The following TPCN1 variants were observed in gnomAD, a reference collection of about 807,000 sequenced individuals.
The protein encoded by TPCN1 is two pore channel protein 1.
TPCN1 carries 52 observed loss-of-function variants against 108.8 expected under a neutral mutation model. The ratio of observed to expected loss-of-function variants is 0.48; its 90% confidence interval spans 0.38 to 0.60. The LOEUF (loss-of-function observed/expected upper bound fraction) is 0.60, where lower values mean the gene tolerates loss of function less well. TPCN1 is among the 20% of genes least tolerant of loss of function. The probability of loss-of-function intolerance (pLI) is 0.00; values close to 1 mark genes in which losing one functional copy is unlikely to be tolerated. For synonymous variants in TPCN1, 446 were observed against 433.7 expected, an observed-to-expected ratio of 1.03 and a Z score of -0.35; for missense variants, 806 against 1,072.8, an observed-to-expected ratio of 0.75 and a Z score of 3.47.
Position 113,266,533 on chromosome 12 carries a change from G to T in TPCN1, c.414+177G>T, listed in dbSNP as rs1354813975. Among the ~76,000 whole-genome samples, 1 of 152,252 alleles carries T rather than the reference G, an allele frequency of 6.6e-6. No homozygotes were observed. The highest frequency in any genetic ancestry group is 1.9e-4 in the East Asian group (1 of 5,190). On this transcript the variant is annotated intron_variant, in intron 4 of 27. Transcript: ENST00000335509. This position sits in a 1 kb window ranked among gnomAD's most constrained non-coding sequence, Gnocchi z 4.2. ...GAAATGCCTGGGTGTCCCTGCTGGA[G>T]TGAATGGCCTTCACCCAGTCTCTCT... is the stretch of plus-strand genomic sequence containing the variant.
At chr12:113,291,835 C>CAACCCAGCCAAA in intron 24 of TPCN1, 39 bp from the exon 25 acceptor site, 1 of 1,491,354 alleles carries the variant, frequency 6.7e-7, no homozygotes, top group Non-Finnish European at 9.4e-7. Flanking sequence ...ACCCACCCTC[C>CAACCCAGCCAAA]TCCCCTGCCT....
Position 113,280,153 on chromosome 12 carries a change from A to G in TPCN1, c.1300A>G (p.Ile434Val), listed in dbSNP as rs1351672343. The G allele has an allele frequency of 1.2e-6, 2 of 1,605,442 alleles. No individual in the cohort carries two copies. The highest frequency in any genetic ancestry group is 1.7e-5 in the Admixed American group (1 of 59,946). Reference sequence around the variant, plus strand: ...TAACTTGTCTTTTCTTCAAATAGGTATTAATATCCTTGTGAAGTCCAAGGC... The same window carrying G: ...TAACTTGTCTTTTCTTCAAATAGGTGTTAATATCCTTGTGAAGTCCAAGGC... ...PRTALLIFKG[I>V]NILVKSKAFQ... Residue 434 changes from isoleucine to valine, a missense_variant and splice_region_variant, in exon 15 of 28, where the codon ATT becomes GTT. Transcript: ENST00000335509.
At chr12:113,228,554 G>A (rs1022019197) in intron 2 of TPCN1, among the ~76,000 whole-genome samples, 1 of 152,114 alleles carries the variant, frequency 6.6e-6, no homozygotes, top group Non-Finnish European at 1.5e-5. Context: ...AGGTTGCAGT[G>A]GGCTATGACT....
chr12:113,276,250 G>A (rs1382355842), intron 10 of TPCN1, among the ~76,000 whole-genome samples: 1 of 152,222 alleles, frequency 6.6e-6, no homozygotes, highest in Non-Finnish European at 1.5e-5. Context: ...GGACCAGAGA[G>A]TTTCCCTTAA....
intron 2 of TPCN1, among the ~76,000 whole-genome samples, chr12:113,243,428 T>A (rs149168443): frequency 6.6e-6 from 1 of 151,928 alleles, no homozygotes; most frequent in Non-Finnish European, 1.5e-5. Context: ...TGTGATTTAT[T>A]AAGACTAGAG....
At chr12:113,251,479 G>A (rs778830683) in intron 2 of TPCN1, among the ~76,000 whole-genome samples, 11 of 152,162 alleles carry the variant, frequency 7.2e-5, no homozygotes, top group South Asian at 2.1e-4. Flanking sequence ...CCGAGTCCTC[G>A]TTCCACCATT....
chr12:113,263,488 T>C (rs1001552565), intron 3 of TPCN1, among the ~76,000 whole-genome samples: 1 of 152,254 alleles, frequency 6.6e-6, no homozygotes, highest in African/African-American at 2.4e-5. Flanking sequence ...CTCAAATTTA[T>C]GACCTCAAGT....
At chr12:113,250,014 G>A (rs1474314009) in intron 2 of TPCN1, 2 of 152,276 alleles carry the variant, frequency 1.3e-5, no homozygotes, top group South Asian at 2.1e-4. Flanking sequence ...CACCTATAAA[G>A]TGCTGAGACT....
In TPCN1 at chr12:113,285,941, C is replaced by T. The variant is rs759107454; in HGVS notation, c.1506C>T (p.Tyr502=). Reference sequence around the variant, plus strand: ...TTGCCGGCCTGGGCCCTGTGGAGTACTTGTCTTCCGGATGGAACTTGTGAG... The same window carrying T: ...TTGCCGGCCTGGGCCCTGTGGAGTATTTGTCTTCCGGATGGAACTTGTGAG... ...LKVAGLGPVE[Y]LSSGWNLFDF... Residue 502 remains tyrosine (Y), a synonymous_variant, in exon 18 of 28, where the codon TAC becomes TAT. Coordinates refer to ENST00000335509, the MANE Select transcript of TPCN1 (RefSeq NM_017901.6). 7.9e-5 allele frequency: 128 copies of T among 1,614,054 alleles called. No homozygotes were observed. The highest frequency in any genetic ancestry group is 1.0e-4 in the Non-Finnish European group (123 of 1,180,012).
At position 113,290,115 on chromosome 12, in the gene TPCN1, G is replaced by A; in HGVS notation, c.1797-13G>A. The A allele has an allele frequency of 6.4e-7, 1 of 1,556,332 alleles. No homozygotes were observed. The highest frequency in any genetic ancestry group is 1.2e-5 in the South Asian group (1 of 85,582). On this transcript the variant is annotated splice_polypyrimidine_tract_variant and intron_variant, in intron 21 of 27. Coordinates refer to ENST00000335509, the MANE Select transcript of TPCN1 (RefSeq NM_017901.6). ...TGTGACCCTCCCTCCTTTCTCCCTT[G>A]TGCTCCGGCCAGCACGAGTACAGTG...
intron 17 of TPCN1, among the ~76,000 whole-genome samples, chr12:113,285,265 C>T (rs1482051143): frequency 1.3e-5 from 2 of 152,348 alleles, no homozygotes; most frequent in East Asian, 3.9e-4. Flanking sequence ...GTCACTTTTG[C>T]ACACCTGGTA....
intron 18 of TPCN1, 81 bp downstream of exon 18, chr12:113,286,042 G>A (rs929342754): frequency 7.8e-6 from 10 of 1,288,976 alleles, no homozygotes; most frequent in African/African-American, 4.4e-5. Flanking sequence ...CCCTGATCCC[G>A]GGCCATTTCT....
intron 27 of TPCN1, among the ~76,000 whole-genome samples, chr12:113,293,645 C>CA (rs1018737714): frequency 4.6e-5 from 7 of 152,146 alleles, no homozygotes; most frequent in Non-Finnish European, 5.9e-5. Flanking sequence ...GCTGCAAACT[C>CA]AAACATGTGT....
At chr12:113,246,907 G>A (rs1954417503) in intron 2 of TPCN1, among the ~76,000 whole-genome samples, 2 of 152,182 alleles carry the variant, frequency 1.3e-5, no homozygotes, top group South Asian at 4.1e-4. Flanking sequence ...GAGCCTGCCC[G>A]GTCACTTTGT....
chr12:113,284,836 AGT>A lies in TPCN1; in HGVS notation c.1453+68_1453+69del. On this transcript the variant is annotated intron_variant, in intron 17 of 27. Coordinates refer to ENST00000335509, the MANE Select transcript of TPCN1 (RefSeq NM_017901.6). The surrounding 1 kb of genome is among the most constrained non-coding windows in gnomAD (Gnocchi z 4.1). ...AAATTGTCTGGGAGAACTTTCATTC[AGT>A]GTAGAACCTCATGGTTCTTCTCTAA... 1 of 1,544,632 alleles carries A rather than the reference AGT, an allele frequency of 6.5e-7. No homozygotes were observed. The highest frequency in any genetic ancestry group is 9.0e-7 in the Non-Finnish European group (1 of 1,117,012).
At chr12:113,240,143 G>A (rs1452816315) in intron 2 of TPCN1, among the ~76,000 whole-genome samples, 1 of 152,170 alleles carries the variant, frequency 6.6e-6, no homozygotes, top group Non-Finnish European at 1.5e-5. Context: ...TCAACAGGGC[G>A]CAGATTTTAT....
At chr12:113,243,861 C>T (rs947861087) in intron 2 of TPCN1, among the ~76,000 whole-genome samples, 7 of 152,280 alleles carry the variant, frequency 4.6e-5, no homozygotes, top group South Asian at 2.1e-4. Flanking sequence ...CTCATGTGGA[C>T]GGTTAGGAAG....
At chr12:113,293,402 A>G (rs1956332252) in intron 27 of TPCN1, 53 bp downstream of exon 27, 6 of 1,551,088 alleles carry the variant, frequency 3.9e-6, no homozygotes, top group Non-Finnish European at 5.3e-6. Flanking sequence ...ATGTCCTGGG[A>G]GGGGCAGGGA....
rs943392280 is a variant in TPCN1 at position 113,278,716 on chromosome 12, G to A, written c.1234-56G>A. The A allele has an allele frequency of 1.6e-5, 23 of 1,461,396 alleles. No homozygotes were observed. In the African/African-American group the frequency reaches 2.9e-4, roughly 19 times the overall value. 90.5% of individuals were successfully genotyped at this position (1,461,396 alleles called of 1,614,324 possible). On this transcript the variant is annotated intron_variant, in intron 13 of 27. Coordinates refer to ENST00000335509, the MANE Select transcript of TPCN1 (RefSeq NM_017901.6). The stretch of plus-strand genomic sequence containing the variant: ...AAGGAAGCCAGCATCCTGGCTCCAG[G>A]CAGGGCCCTGGTCCCTGGCCCTGAC...
Sources: allele counts gnomAD v4.1 joint callset (sites outside exome capture counted in the v4.1 genomes callset), GRCh38; gene constraint gnomAD v4.1.1; non-coding constraint Gnocchi (gnomAD v3.1); transcripts MANE v1.5; gene names NCBI Gene and HGNC (gene_info 2026-07-23, HGNC 2026-07-21).